COLQ: variants seen among roughly 807,000 people sequenced by gnomAD.
COLQ encodes acetylcholinesterase collagenic tail peptide.
COLQ carries 48 observed loss-of-function variants against 69.0 expected under a neutral mutation model. The observed-to-expected ratio is 0.70, with a 90% CI of 0.55 to 0.88. The LOEUF is 0.88. Among genes scored for constraint, COLQ ranks in the 40% least tolerant of loss-of-function variants. The pLI is 0.00. For synonymous variants in COLQ, 217 were observed against 211.2 expected, an observed-to-expected ratio of 1.03 and a Z score of -0.24; for missense variants, 618 against 594.6, an observed-to-expected ratio of 1.04 and a Z score of -0.41.
intron 11 of COLQ, among the ~76,000 whole-genome samples, chr3:15,467,150 G>A (rs2062211880): frequency 1.3e-5 from 2 of 152,182 alleles, no homozygotes. Flanking sequence ...CACTCCCTAT[G>A]GGCTGGAATC....
intron 1 of COLQ, among the ~76,000 whole-genome samples, chr3:15,509,424 C>A (rs188897974): frequency 6.6e-6 from 1 of 152,332 alleles, no homozygotes; most frequent in East Asian, 1.9e-4. Flanking sequence ...GTGGGGTTTC[C>A]TCCTAAGATC....
At chr3:15,477,085 G>A (rs369641142) in intron 6 of COLQ, 41 bp downstream of exon 6, 38 of 1,558,280 alleles carry the variant, frequency 2.4e-5, no homozygotes, top group Non-Finnish European at 3.2e-5. Context: ...CCCCCCTCTT[G>A]TTTTGACACC....
intron 6 of COLQ, among the ~76,000 whole-genome samples, chr3:15,475,846 A>T (rs1455327171): frequency 1.3e-5 from 2 of 152,166 alleles, no homozygotes; most frequent in African/African-American, 4.8e-5. Flanking sequence ...GTGTCAATAC[A>T]CGCAAAAAAC....
intron 1 of COLQ, among the ~76,000 whole-genome samples, chr3:15,513,558 A>C (rs574602808): frequency 5.9e-5 from 9 of 152,196 alleles, no homozygotes. Context: ...AGTTGCTCAT[A>C]GCAGTAACCT....
intron 1 of COLQ, among the ~76,000 whole-genome samples, chr3:15,492,846 C>T (rs2062692487): frequency 6.6e-6 from 1 of 152,188 alleles, no homozygotes; most frequent in Admixed American, 6.5e-5. Context: ...TGCTACCCAT[C>T]CCAGCCTTTG....
At chr3:15,455,778 G>T in intron 15 of COLQ, 121 bp downstream of exon 15, 1 of 1,359,468 alleles carries the variant, frequency 7.4e-7, no homozygotes, top group African/African-American at 1.4e-5. Flanking sequence ...GGTGGCCTGG[G>T]TATACCCTTC....
At chr3:15,464,741 A>G (rs949223743) in intron 12 of COLQ, among the ~76,000 whole-genome samples, 3 of 152,226 alleles carry the variant, frequency 2.0e-5, no homozygotes, top group African/African-American at 7.2e-5. Flanking sequence ...CTTTTGTATA[A>G]CTGAAGACAG....
At chr3:15,510,525 T>C (rs1338279798) in intron 1 of COLQ, among the ~76,000 whole-genome samples, 1 of 151,608 alleles carries the variant, frequency 6.6e-6, no homozygotes, top group African/African-American at 2.4e-5. Context: ...CTGGGCAACA[T>C]GGCAAAACCC....
Position 15,474,924 on chromosome 3 carries a change from C to T in COLQ, c.555+1G>A, listed in dbSNP as rs769276577. On this transcript the variant is annotated splice_donor_variant, in intron 8 of 16. Coordinates refer to ENST00000383788, the MANE Select transcript of COLQ (RefSeq NM_005677.4). LOFTEE classifies it high-confidence loss of function. Reference sequence around the variant, plus strand: ...GGACACCATCCAAGAAAAGCACTAACCTTTTCCCCTCTGGATCCAGGGTAG... The same window carrying T: ...GGACACCATCCAAGAAAAGCACTAATCTTTTCCCCTCTGGATCCAGGGTAG... 1.4e-5 allele frequency: 23 copies of T among 1,614,032 alleles called. No homozygotes were observed. Among genetic ancestry groups the T allele is most frequent in the Admixed American group, 1.7e-5 (1 of 60,014 alleles).
chr3:15,488,378 C>G, intron 2 of COLQ, 71 bp from the exon 3 acceptor site: 2 of 1,278,234 alleles, frequency 1.6e-6, no homozygotes, highest in Non-Finnish European at 2.2e-6. Context: ...ATCCTGGACA[C>G]AGACCTGCTC....
At chr3:15,511,617 A>G (rs1001650975) in intron 1 of COLQ, among the ~76,000 whole-genome samples, 2 of 152,200 alleles carry the variant, frequency 1.3e-5, no homozygotes, top group Admixed American at 1.3e-4. Context: ...GTTTTCCACC[A>G]TGATGGTTCC....
At chr3:15,466,651 G>T (rs2125103961) in intron 11 of COLQ, among the ~76,000 whole-genome samples, 1 of 112,670 alleles carries the variant, frequency 8.9e-6, no homozygotes, top group East Asian at 3.2e-4. Context: ...CTTAGTTCTT[G>T]CTCTACAAAT....
chr3:15,520,940 C>T (rs1022335344), intron 1 of COLQ, among the ~76,000 whole-genome samples: 7 of 152,168 alleles, frequency 4.6e-5, no homozygotes, highest in Admixed American at 1.3e-4. Context: ...GAAGGGAAGT[C>T]GCACCCAGGA....
At chr3:15,498,781 C>T in intron 1 of COLQ, 1 of 1,503,628 alleles carries the variant, frequency 6.7e-7, no homozygotes, top group Non-Finnish European at 8.9e-7. Context: ...CTGGGAGTAG[C>T]AATGGGTAGG....
rs139396989 is a variant in COLQ, at chr3:15,493,693, C to T, written c.107-4056G>A. On this transcript the variant is annotated intron_variant, in intron 1 of 16. Coordinates refer to ENST00000383788, the MANE Select transcript of COLQ (RefSeq NM_005677.4). ...GAGCCTGCCCTGGACCAGACTCAGA[C>T]CCAGTCTTTAGCAGGATCTCAGGGT... Among the ~76,000 whole-genome samples, 706 of 152,366 alleles carry T rather than the reference C, an allele frequency of 4.6e-3. 5 individuals are homozygous for T. Among genetic ancestry groups the T allele is most frequent in the Middle Eastern group, 0.014 (4 of 294 alleles).
At chr3:15,516,190 G>A (rs1177596845) in intron 1 of COLQ, among the ~76,000 whole-genome samples, 1 of 152,246 alleles carries the variant, frequency 6.6e-6, no homozygotes, top group East Asian at 1.9e-4. Context: ...CGGTAAATCA[G>A]AGGAGATGGC....
chr3:15,466,580 A>G, intron 11 of COLQ, 143 bp from the exon 12 acceptor site: 2 of 676,694 alleles, frequency 3.0e-6, no homozygotes, highest in Non-Finnish European at 5.3e-6. Context: ...TTGACCATCG[A>G]GCTCTTAATA....
intron 1 of COLQ, among the ~76,000 whole-genome samples, chr3:15,517,905 A>G (rs1237114076): frequency 6.6e-6 from 1 of 152,190 alleles, no homozygotes; most frequent in African/African-American, 2.4e-5. Context: ...TTCAGGGGTT[A>G]CAGACAGAGC....
chr3:15,483,655 A>C (rs1319231943), intron 3 of COLQ, among the ~76,000 whole-genome samples: 2 of 152,172 alleles, frequency 1.3e-5, no homozygotes, highest in Non-Finnish European at 2.9e-5. Flanking sequence ...TTTTGGAATA[A>C]GTGTGATGTG....
Sources: allele counts gnomAD v4.1 joint callset (sites outside exome capture counted in the v4.1 genomes callset), GRCh38; gene constraint gnomAD v4.1.1; transcripts MANE v1.5; gene names NCBI Gene and HGNC (gene_info 2026-07-23, HGNC 2026-07-21).